PSD3: variants seen among roughly 807,000 people sequenced by gnomAD.
PSD3 encodes PH and SEC7 domain-containing protein 3.
Under a neutral mutation model 105.5 loss-of-function variants are expected in PSD3, and 49 were observed. The ratio of observed to expected loss-of-function variants is 0.46; its 90% CI spans 0.37 to 0.59. PSD3 has a LOEUF of 0.59. PSD3 is among the 20% of genes least tolerant of loss of function. The pLI is 0.00. For synonymous variants in PSD3, 557 were observed against 457.8 expected (o/e 1.22, Z -2.77); for missense variants, 1,561 against 1,263.8 (o/e 1.24, Z -3.57).
intron 7 of PSD3, among the ~76,000 whole-genome samples, chr8:18,799,923 A>T (rs1206951568): frequency 6.6e-6 from 1 of 152,202 alleles, no homozygotes; most frequent in African/African-American, 2.4e-5. Context: ...TTTACGCTAA[A>T]TTAGAAGGTC....
chr8:18,902,036 T>C (rs560816673), intron 2 of PSD3, among the ~76,000 whole-genome samples: 427 of 152,330 alleles, frequency 2.8e-3, no homozygotes, highest in African/African-American at 9.8e-3. Context: ...AAAAAGACCT[T>C]TTTGGGTGGA....
chr8:18,728,574 A>C (rs372859729), intron 9 of PSD3, among the ~76,000 whole-genome samples: 20 of 152,244 alleles, frequency 1.3e-4, no homozygotes, highest in African/African-American at 4.3e-4. Context: ...TTGGGAATTG[A>C]AGGAAGTTCA....
chr8:18,820,634 G>C (rs1225168845), intron 4 of PSD3, among the ~76,000 whole-genome samples: 1 of 149,702 alleles, frequency 6.7e-6, no homozygotes, highest in African/African-American at 2.4e-5. Flanking sequence ...ATTCTCAGTA[G>C]AGATGCAACC....
chr8:18,701,460 A>T (rs1801577521), intron 9 of PSD3, among the ~76,000 whole-genome samples: 1 of 152,224 alleles, frequency 6.6e-6, no homozygotes, highest in Non-Finnish European at 1.5e-5. Flanking sequence ...CACAATTGAA[A>T]ACATACTATG....
chr8:18,866,905 C>T (rs990672636), intron 4 of PSD3, among the ~76,000 whole-genome samples: 4 of 151,880 alleles, frequency 2.6e-5, no homozygotes, highest in Non-Finnish European at 4.4e-5. Flanking sequence ...CACACACACA[C>T]ACACACACAC....
intron 1 of PSD3, among the ~76,000 whole-genome samples, chr8:18,948,952 G>C (rs897388934): frequency 2.0e-5 from 3 of 151,748 alleles, no homozygotes; most frequent in African/African-American, 7.3e-5. Context: ...GTGTATTTAA[G>C]TGAAACATGT....
chr8:18,976,832 T>A (rs552126581), intron 1 of PSD3, among the ~76,000 whole-genome samples: 1 of 152,204 alleles, frequency 6.6e-6, no homozygotes, highest in African/African-American at 2.4e-5. Flanking sequence ...ATTGCAAATA[T>A]CTGAAAACAA....
At chr8:18,618,183 C>CTCTCCTTA (rs1212179709) in intron 11 of PSD3, among the ~76,000 whole-genome samples, 1 of 151,772 alleles carries the variant, frequency 6.6e-6, no homozygotes, top group Non-Finnish European at 1.5e-5. Flanking sequence ...AATTGACAAT[C>CTCTCCTTA]AGGAAATCTT....
intron 1 of PSD3, among the ~76,000 whole-genome samples, chr8:18,954,629 T>C (rs1012703322): frequency 5.9e-5 from 9 of 152,038 alleles, no homozygotes; most frequent in Non-Finnish European, 1.3e-4. Flanking sequence ...ATTTCAGTGG[T>C]GGAGGGGATG....
chr8:18,818,683 A>G (rs1326848790), intron 4 of PSD3, among the ~76,000 whole-genome samples: 2 of 150,828 alleles, frequency 1.3e-5, no homozygotes, highest in African/African-American at 4.9e-5. Flanking sequence ...TCCTCTCCAT[A>G]CCCCCCCCAA....
chr8:18,988,220 G>A (rs937498846), intron 1 of PSD3, among the ~76,000 whole-genome samples: 1 of 152,060 alleles, frequency 6.6e-6, no homozygotes, highest in East Asian at 1.9e-4. Context: ...TAAAACATGT[G>A]AGTCCTTTGC....
intron 4 of PSD3, among the ~76,000 whole-genome samples, chr8:18,850,729 C>A (rs565333208): frequency 1.3e-5 from 2 of 152,240 alleles, no homozygotes; most frequent in East Asian, 3.9e-4. Context: ...AGCTCAACCC[C>A]CTCTGCAGAT....
intron 9 of PSD3, among the ~76,000 whole-genome samples, chr8:18,717,664 TTGA>T (rs1802687950): frequency 6.6e-6 from 1 of 152,176 alleles, no homozygotes; most frequent in South Asian, 2.1e-4. Context: ...AATACTGGCT[TTGA>T]TGAAGGGTCA....
At chr8:18,580,635 C>T (rs992348344) in intron 12 of PSD3, among the ~76,000 whole-genome samples, 1 of 152,056 alleles carries the variant, frequency 6.6e-6, no homozygotes, top group Non-Finnish European at 1.5e-5. Flanking sequence ...AATCTCTCTT[C>T]CGAGTAAGCC....
chr8:18,960,168 T>A (rs1823825916), intron 1 of PSD3, among the ~76,000 whole-genome samples: 1 of 152,204 alleles, frequency 6.6e-6, no homozygotes, highest in Non-Finnish European at 1.5e-5. Flanking sequence ...CCTGTCTAGC[T>A]CTCTGAATTC....
intron 11 of PSD3, among the ~76,000 whole-genome samples, chr8:18,626,290 C>A (rs1157628060): frequency 6.6e-6 from 1 of 151,768 alleles, no homozygotes; most frequent in Non-Finnish European, 1.5e-5. Flanking sequence ...AATAAATGGT[C>A]CATTTGAGAC....
In PSD3 at chr8:18,801,253, G is replaced by C. The variant is rs1415963934; in HGVS notation, c.2023+17C>G. The C allele has an allele frequency of 4.9e-6, 7 of 1,427,600 alleles. No individual in the cohort carries two copies. Among genetic ancestry groups the C allele is most frequent in the African/African-American group, 2.9e-5 (2 of 69,686 alleles). 88.4% of individuals were successfully genotyped at this position (1,427,600 alleles called of 1,614,324 possible). Reference sequence around the variant, plus strand: ...CATTGATATAAAAAAGAAATTCAAGGATTTGTATCAGATTACCTTGTGAAG... The same window carrying C: ...CATTGATATAAAAAAGAAATTCAAGCATTTGTATCAGATTACCTTGTGAAG... On this transcript the variant is annotated intron_variant, in intron 7 of 15. Coordinates refer to ENST00000327040, the MANE Select transcript of PSD3 (RefSeq NM_015310.4).
At chr8:18,981,064 C>T (rs60631250) in intron 1 of PSD3, among the ~76,000 whole-genome samples, 21,371 of 152,134 alleles carry the variant, frequency 0.14, 1,564 homozygotes, top group Non-Finnish European at 0.16. Context: ...TCCCCTCCCC[C>T]GTGAGTTTCC....
chr8:19,028,759 G>T (rs1199684028), intron 1 of PSD3, among the ~76,000 whole-genome samples: 3 of 152,080 alleles, frequency 2.0e-5, no homozygotes, highest in African/African-American at 7.2e-5. Flanking sequence ...TTTCCCTAAT[G>T]TCATGCCACA....
Sources: gnomAD v4.1 joint callset for allele counts (sites outside exome capture counted in the v4.1 genomes callset) on GRCh38, gnomAD v4.1.1 for gene constraint, MANE v1.5 for transcripts, NCBI Gene and HGNC (gene_info 2026-07-23, HGNC 2026-07-21) for gene names.